NCOA1: variants seen among roughly 807,000 people sequenced by gnomAD.
NCOA1 encodes the protein Hin-2 protein.
In NCOA1, 35 loss-of-function variants were observed where a neutral mutation model predicts 150.9. The observed-to-expected ratio is 0.23, with a 90% CI of 0.18 to 0.31. The LOEUF is 0.31. Ranked by LOEUF, NCOA1 falls within the 10% of genes least tolerant of loss-of-function variation. NCOA1 has a pLI of 1.00. For missense variants in NCOA1, 1,491 were observed against 1,749.3 expected (o/e 0.85, Z 2.63); for synonymous variants, 590 against 630.0 (o/e 0.94, Z 0.95).
chr2:24,556,267 C>A (rs757730081), intron 1 of NCOA1, among the ~76,000 whole-genome samples: 2 of 152,170 alleles, frequency 1.3e-5, no homozygotes, highest in African/African-American at 2.4e-5. Context: ...TCTGTTCTTG[C>A]GTTAGTTGCT....
chr2:24,679,227 T>C (rs1672055755), intron 7 of NCOA1, among the ~76,000 whole-genome samples: 1 of 152,224 alleles, frequency 6.6e-6, no homozygotes, highest in South Asian at 2.1e-4. Flanking sequence ...CTGTATGCAG[T>C]ACAACATAAA....
intron 10 of NCOA1, among the ~76,000 whole-genome samples, chr2:24,695,536 CATT>C (rs1399176374): frequency 6.6e-6 from 1 of 152,030 alleles, no homozygotes; most frequent in Non-Finnish European, 1.5e-5. Context: ...GTAAAACTAA[CATT>C]ATATAAATCA....
At chr2:24,760,242 C>T (rs1179330307) in intron 21 of NCOA1, among the ~76,000 whole-genome samples, 36 of 150,598 alleles carry the variant, frequency 2.4e-4, no homozygotes, top group Admixed American at 6.6e-5. Context: ...CAGGTTCAAC[C>T]GATTCTCCTG....
chr2:24,754,510 G>C (rs932956000), intron 20 of NCOA1, among the ~76,000 whole-genome samples: 1 of 152,144 alleles, frequency 6.6e-6, no homozygotes, highest in Non-Finnish European at 1.5e-5. Context: ...TTCCCTCAGT[G>C]GCCACATGGC....
chr2:24,705,152 G>A lies in NCOA1; in HGVS notation c.1016G>A (p.Ser339Asn). ...RFILNDGTML[S>N]AHTKCKLCYP... ...ATATTGAATGATGGGACAATGCTTA[G>A]CGCCCACACCAAGTGTAAACTTTGC... The change falls in exon 12 of 23, where the codon AGC becomes AAC. Residue 339 changes from serine to asparagine, a missense_variant. Physicochemically the swap from Ser to Asn is conservative, Grantham distance 46. This residue lies in a region of NCOA1 where 703 missense variants were observed against 717.7 expected (regional missense o/e 0.98). Transcript: ENST00000348332. The A allele has an allele frequency of 1.2e-6, 2 of 1,614,090 alleles. No homozygotes were observed. The highest frequency in any genetic ancestry group is 1.7e-6 in the Non-Finnish European group (2 of 1,179,944).
In NCOA1 at chr2:24,728,348, C is replaced by T. The variant is rs769561358; in HGVS notation, c.2758C>T (p.Pro920Ser). The T allele has an allele frequency of 1.2e-6, 2 of 1,613,504 alleles. No individual in the cohort carries two copies. The highest frequency in any genetic ancestry group is 1.7e-5 in the Admixed American group (1 of 59,976). Residue 920 changes from proline (P) to serine (S), a missense_variant, in exon 16 of 23, where the codon CCC (proline) becomes TCC (serine). Pro to Ser is a moderately conservative substitution (Grantham distance 74). This residue lies in a region of NCOA1 where 703 missense variants were observed against 717.7 expected (regional missense o/e 0.98). Transcript: ENST00000348332. ...ACAATTAGATGAGCTTCTCTGTCCA[C>T]CCACAACAGTAGAAGGGAGAAATGA... ...SSQLDELLCPPTTVEGRNDEK... is the reference protein window; with the variant it reads ...SSQLDELLCPSTTVEGRNDEK...
chr2:24,544,942 G>A (rs373114268), intron 1 of NCOA1, among the ~76,000 whole-genome samples: 1 of 152,188 alleles, frequency 6.6e-6, no homozygotes, highest in African/African-American at 2.4e-5. Context: ...AAGAAGGCTA[G>A]AATGAACCAT....
At chr2:24,627,128 T>G (rs1669455778) in intron 3 of NCOA1, among the ~76,000 whole-genome samples, 1 of 148,954 alleles carries the variant, frequency 6.7e-6, no homozygotes, top group African/African-American at 2.4e-5. Context: ...GCTGTTTTTT[T>G]TTTTTTTTTT....
intron 3 of NCOA1, among the ~76,000 whole-genome samples, chr2:24,607,193 T>G (rs1668407892): frequency 6.6e-6 from 1 of 151,862 alleles, no homozygotes; most frequent in African/African-American, 2.4e-5. Context: ...TACTGTGTTT[T>G]TTTTTTTTTT....
intron 8 of NCOA1, among the ~76,000 whole-genome samples, chr2:24,690,750 T>C (rs770155181): frequency 1.3e-5 from 2 of 151,370 alleles, no homozygotes; most frequent in African/African-American, 2.4e-5. Context: ...TGGGAAATTA[T>C]GAGCTACCAC....
intron 1 of NCOA1, among the ~76,000 whole-genome samples, chr2:24,552,454 C>T (rs560237973): frequency 7.0e-6 from 1 of 142,836 alleles, no homozygotes; most frequent in South Asian, 2.2e-4. Flanking sequence ...GCAACGTCTG[C>T]CTCCTAGGTT....
chr2:24,745,338 A>G (rs868390859), intron 19 of NCOA1, among the ~76,000 whole-genome samples: 17 of 151,346 alleles, frequency 1.1e-4, no homozygotes, highest in African/African-American at 3.6e-4. Flanking sequence ...ATTTTTTTGT[A>G]TTTTTAGTAG....
rs144907635 is a variant in NCOA1 at position 24,575,396 on chromosome 2, A to G, written c.-259-9080A>G. ...TTTCTTGAATGTATTGAGAATATGT[A>G]TAACTCTTTTGGCATCTCTGTTTGC... On this transcript the variant is annotated intron_variant, in intron 2 of 22. Transcript: ENST00000348332. Among the ~76,000 whole-genome samples, 57 of 152,186 alleles carry G rather than the reference A, an allele frequency of 3.7e-4. 1 individual carries two copies. Among genetic ancestry groups the G allele is most frequent in the African/African-American group, 1.3e-3 (54 of 41,532 alleles).
At chr2:24,493,906 T>C (rs1319757520) in intron 1 of NCOA1, among the ~76,000 whole-genome samples, 2 of 152,232 alleles carry the variant, frequency 1.3e-5, no homozygotes, top group Admixed American at 1.3e-4. Context: ...TTTTGTTGAA[T>C]TTCCTGTTTT....
At chr2:24,665,707 G>A (rs1466032884) in intron 5 of NCOA1, 42 bp from the exon 6 acceptor site, 1 of 1,403,952 alleles carries the variant, frequency 7.1e-7, no homozygotes, top group African/African-American at 1.5e-5. Context: ...AGGAAATATG[G>A]TGATACAAAT....
At chr2:24,517,923 A>G (rs896332781) in intron 1 of NCOA1, among the ~76,000 whole-genome samples, 1 of 152,192 alleles carries the variant, frequency 6.6e-6, no homozygotes, top group African/African-American at 2.4e-5. Context: ...TGATTTCACT[A>G]TGCTCTTTTA....
intron 3 of NCOA1, among the ~76,000 whole-genome samples, chr2:24,624,011 A>AT (rs1669292452): frequency 6.6e-6 from 1 of 152,190 alleles, no homozygotes. Context: ...AAATTGTTTT[A>AT]TTAATAATAT....
At chr2:24,624,883 T>C (rs1669337444) in intron 3 of NCOA1, among the ~76,000 whole-genome samples, 1 of 151,832 alleles carries the variant, frequency 6.6e-6, no homozygotes, top group Admixed American at 6.6e-5. Flanking sequence ...TAGAGAAGGG[T>C]TTGACAAACT....
At chr2:24,564,143 TTAG>T (rs1666399739) in intron 1 of NCOA1, among the ~76,000 whole-genome samples, 149 bp from the exon 2 acceptor site, 1 of 152,228 alleles carries the variant, frequency 6.6e-6, no homozygotes, top group South Asian at 2.1e-4. Context: ...TAAAAACTTG[TTAG>T]TAGTGACAAG....
Sources: allele counts gnomAD v4.1 joint callset (sites outside exome capture counted in the v4.1 genomes callset), GRCh38; gene constraint gnomAD v4.1.1; regional missense constraint gnomAD v4.1.1; transcripts MANE v1.5; gene names NCBI Gene and HGNC (gene_info 2026-07-23, HGNC 2026-07-21).